OXCT1: variants seen among roughly 807,000 people sequenced by gnomAD.
The protein encoded by OXCT1 is 3-oxoacid CoA-transferase 1, also known as succinyl-CoA:3-ketoacid coenzyme A transferase 1, mitochondrial.
In OXCT1, 27 loss-of-function variants were observed where a neutral mutation model predicts 69.6. The observed-to-expected ratio is 0.39, with a 90% CI of 0.29 to 0.54. OXCT1 has a LOEUF of 0.54. OXCT1 is among the 20% of genes least tolerant of loss of function. OXCT1 has a pLI of 0.72. For missense variants in OXCT1, 437 were observed against 650.2 expected (o/e 0.67, Z 3.57); for synonymous variants, 202 against 217.8 (o/e 0.93, Z 0.64).
chr5:41,777,214 G>A (rs1451335005), intron 13 of OXCT1, among the ~76,000 whole-genome samples: 3 of 152,060 alleles, frequency 2.0e-5, no homozygotes, highest in South Asian at 4.1e-4. Flanking sequence ...TCAGGAGTTC[G>A]AGACCAGCCT....
chr5:41,823,103 C>G (rs1248107369), intron 7 of OXCT1, among the ~76,000 whole-genome samples: 1 of 152,114 alleles, frequency 6.6e-6, no homozygotes, highest in East Asian at 1.9e-4. Flanking sequence ...TATACATTTA[C>G]AATTAATCCA....
chr5:41,767,728 A>G (rs979938151), intron 13 of OXCT1, among the ~76,000 whole-genome samples: 14 of 92,130 alleles, frequency 1.5e-4, no homozygotes, highest in African/African-American at 4.9e-4. Context: ...GTGTGTATAT[A>G]TATATATATA....
chr5:41,854,245 T>G (rs1749325654), intron 3 of OXCT1, among the ~76,000 whole-genome samples: 1 of 152,196 alleles, frequency 6.6e-6, no homozygotes, highest in African/African-American at 2.4e-5. Flanking sequence ...ATCTGTTAAA[T>G]TATATATACT....
intron 7 of OXCT1, among the ~76,000 whole-genome samples, chr5:41,836,022 T>G (rs948159020): frequency 1.3e-5 from 2 of 152,124 alleles, no homozygotes; most frequent in South Asian, 4.1e-4. Flanking sequence ...GCAGAGGGGC[T>G]CATAGGGAGT....
At chr5:41,753,335 A>G (rs1743904820) in intron 14 of OXCT1, among the ~76,000 whole-genome samples, 1 of 151,282 alleles carries the variant, frequency 6.6e-6, no homozygotes, top group Non-Finnish European at 1.5e-5. Context: ...ACACACACAG[A>G]CACACACGTG....
chr5:41,861,025 TCAATA>T lies in OXCT1; in HGVS notation c.278+284_278+288del, dbSNP rs1483251020. Among the ~76,000 whole-genome samples, 6 of 152,122 alleles carry T rather than the reference TCAATA, an allele frequency of 3.9e-5. No individual in the cohort carries two copies. In the East Asian group the frequency reaches 1.2e-3, roughly 29 times the overall value. ...TAATTTGAAGATATATATTCTAACT[TCAATA>T]CATTTTAAGTTTAGAAAAATAAAAG... On this transcript the variant is annotated intron_variant, in intron 3 of 16. Coordinates refer to ENST00000196371, the MANE Select transcript of OXCT1 (RefSeq NM_000436.4).
intron 11 of OXCT1, among the ~76,000 whole-genome samples, chr5:41,800,349 A>G (rs907107899): frequency 3.3e-5 from 5 of 151,858 alleles, no homozygotes; most frequent in East Asian, 3.9e-4. Context: ...AGGAAGCATC[A>G]CCACCAACAA....
intron 7 of OXCT1, among the ~76,000 whole-genome samples, chr5:41,828,577 G>C (rs1279688957): frequency 5.3e-5 from 8 of 152,176 alleles, no homozygotes. Context: ...GCTTTTAAAA[G>C]ATGGCAGCAA....
chr5:41,736,490 T>G (rs1579624794), intron 16 of OXCT1, among the ~76,000 whole-genome samples: 1 of 152,230 alleles, frequency 6.6e-6, no homozygotes, highest in South Asian at 2.1e-4. Flanking sequence ...ATGATATATA[T>G]GAAAAAGTCT....
At chr5:41,789,372 A>C (rs1029760211) in intron 13 of OXCT1, among the ~76,000 whole-genome samples, 1 of 152,172 alleles carries the variant, frequency 6.6e-6, no homozygotes, top group African/African-American at 2.4e-5. Context: ...AATGCAGAGA[A>C]TTTTGTCTGT....
chr5:41,799,169 C>T (rs1579761202), intron 11 of OXCT1, among the ~76,000 whole-genome samples: 1 of 152,068 alleles, frequency 6.6e-6, no homozygotes, highest in East Asian at 1.9e-4. Context: ...AGAAACATAA[C>T]TCTTTGTATT....
intron 3 of OXCT1, among the ~76,000 whole-genome samples, chr5:41,857,120 C>A (rs1339572239): frequency 1.3e-5 from 2 of 152,150 alleles, no homozygotes; most frequent in African/African-American, 2.4e-5. Flanking sequence ...AAAGCCTATT[C>A]AAAATCTGGC....
chr5:41,842,648 C>T (rs750742721), intron 6 of OXCT1, 27 bp downstream of exon 6: 26 of 1,470,016 alleles, frequency 1.8e-5, no homozygotes, highest in Middle Eastern at 1.7e-4. Context: ...CTGATATGCA[C>T]GAGTGTTTTT....
intron 12 of OXCT1, 162 bp from the exon 13 acceptor site, chr5:41,794,240 A>C: frequency 1.5e-6 from 1 of 657,790 alleles, no homozygotes; most frequent in Non-Finnish European, 2.7e-6. Context: ...ACAGAGAAAT[A>C]ATCACTAAAA....
intron 1 of OXCT1, among the ~76,000 whole-genome samples, chr5:41,867,081 TTTTAA>T (rs1317177484): frequency 2.0e-5 from 3 of 152,152 alleles, no homozygotes; most frequent in Admixed American, 1.3e-4. Flanking sequence ...TTTCTTTTCT[TTTTAA>T]TTTTTTTATT....
intron 13 of OXCT1, among the ~76,000 whole-genome samples, chr5:41,774,489 G>A (rs1745029772): frequency 1.3e-5 from 2 of 152,148 alleles, no homozygotes; most frequent in Non-Finnish European, 2.9e-5. Context: ...TGTAGTAGCA[G>A]AAAGTAAGGA....
rs755255464 is a variant in OXCT1 at position 41,749,588 on chromosome 5, A to G, written c.1358T>C (p.Met453Thr). 2.5e-6 allele frequency: 4 copies of G among 1,605,928 alleles called. No homozygotes were observed. In the East Asian group the frequency reaches 6.7e-5, roughly 27 times the overall value. Residue 453 changes from methionine (M) to threonine (T), a missense_variant, in exon 15 of 17, where the codon ATG becomes ACG. Met to Thr is a moderately conservative substitution (Grantham distance 81). This residue lies in a region of OXCT1 where 102 missense variants were observed against 162.1 expected (regional missense o/e 0.63). Transcript: ENST00000196371. ...HSAKGNAHKI[M>T]EKCTLPLTGK... ...AGTCAATGGTAATGTACATTTCTCC[A>G]TGATTTTATGTGCATTTCCCTGTTT...
chr5:41,834,502 A>C (rs1161851608), intron 7 of OXCT1, among the ~76,000 whole-genome samples: 6 of 151,808 alleles, frequency 4.0e-5, no homozygotes, highest in Admixed American at 3.9e-4. Flanking sequence ...AAAAAAAAAA[A>C]AACAAAACAG....
chr5:41,761,764 C>G (rs1301665555), intron 14 of OXCT1, among the ~76,000 whole-genome samples: 1 of 152,094 alleles, frequency 6.6e-6, no homozygotes, highest in Non-Finnish European at 1.5e-5. Context: ...CCACTATAAT[C>G]ATCTTAAAAC....
Sources: allele counts gnomAD v4.1 joint callset (sites outside exome capture counted in the v4.1 genomes callset), GRCh38; gene constraint gnomAD v4.1.1; regional missense constraint gnomAD v4.1.1; transcripts MANE v1.5; gene names NCBI Gene and HGNC (gene_info 2026-07-23, HGNC 2026-07-21).